Variants in SYN2 observed in about 807,000 individuals in gnomAD.
The protein encoded by SYN2 is synapsin-2.
Under a neutral mutation model 50.9 loss-of-function variants are expected in SYN2, and 19 were observed. The ratio of observed to expected loss-of-function variants is 0.37; its 90% CI spans 0.26 to 0.55. The LOEUF (loss-of-function observed/expected upper bound fraction) is 0.55. Ranked by LOEUF, SYN2 falls within the 20% of genes least tolerant of loss-of-function variation. SYN2 has a pLI of 0.81. For missense variants in SYN2, 587 were observed against 576.4 expected, an observed-to-expected ratio of 1.02 and a Z score of -0.19; for synonymous variants, 255 against 224.9, an observed-to-expected ratio of 1.13 and a Z score of -1.20.
chr3:12,165,539 G>A (rs1049843957), intron 7 of SYN2: 5 of 152,178 alleles, frequency 3.3e-5, no homozygotes, highest in African/African-American at 9.7e-5. Flanking sequence ...AGGAAACATC[G>A]TGGGAAGAAA....
intron 1 of SYN2, among the ~76,000 whole-genome samples, chr3:12,100,247 T>C (rs1696043108): frequency 6.6e-6 from 1 of 152,146 alleles, no homozygotes; most frequent in African/African-American, 2.4e-5. Context: ...CAAAGCTTGA[T>C]AATAAAGTGA....
chr3:12,053,171 C>T (rs976873955), intron 1 of SYN2, among the ~76,000 whole-genome samples: 1 of 152,036 alleles, frequency 6.6e-6, no homozygotes, highest in South Asian at 2.1e-4. Context: ...GCCTGTAATC[C>T]CAGCACTTTG....
intron 1 of SYN2, 28 bp downstream of exon 1, chr3:12,004,956 G>T: frequency 6.2e-6 from 3 of 485,324 alleles, no homozygotes. Flanking sequence ...CCGCCCTCGG[G>T]GGTCGGGGTC....
chr3:12,183,944 TGA>T (rs1698284177), intron 11 of SYN2: 1 of 992,480 alleles, frequency 1.0e-6, no homozygotes, highest in South Asian at 4.6e-5. Context: ...TCTTTCTGCA[TGA>T]CTATTGTAAC....
chr3:12,020,921 A>G (rs1280720825), intron 1 of SYN2, among the ~76,000 whole-genome samples: 1 of 152,236 alleles, frequency 6.6e-6, no homozygotes, highest in Non-Finnish European at 1.5e-5. Flanking sequence ...GATGTTTTAA[A>G]TAGAAAACAT....
At chr3:12,043,729 A>G (rs1326891953) in intron 1 of SYN2, among the ~76,000 whole-genome samples, 3 of 152,216 alleles carry the variant, frequency 2.0e-5, no homozygotes, top group African/African-American at 7.2e-5. Flanking sequence ...GGATTAGTCA[A>G]AGGAGGGCCA....
chr3:12,057,282 A>ACTGTCTGT (rs1553611277), intron 1 of SYN2, among the ~76,000 whole-genome samples: 2 of 48,114 alleles, frequency 4.2e-5, no homozygotes, highest in East Asian at 1.1e-3. Flanking sequence ...ACAAGGCAAG[A>ACTGTCTGT]CTGTCTGTGT....
intron 1 of SYN2, among the ~76,000 whole-genome samples, chr3:12,026,347 C>T (rs1694256524): frequency 6.6e-6 from 1 of 151,914 alleles, no homozygotes; most frequent in East Asian, 1.9e-4. Context: ...GCCCTATCAA[C>T]TTCGTGAAAG....
At chr3:12,039,260 G>A (rs767972515) in intron 1 of SYN2, among the ~76,000 whole-genome samples, 5 of 152,160 alleles carry the variant, frequency 3.3e-5, no homozygotes, top group South Asian at 2.1e-4. Flanking sequence ...TCACTTAGTC[G>A]TGTTATATAA....
At chr3:12,140,597 T>C (rs1401162302) in intron 1 of SYN2, 54 bp from the exon 2 acceptor site, 7 of 722,480 alleles carry the variant, frequency 9.7e-6, no homozygotes, top group African/African-American at 8.7e-5. Flanking sequence ...AGTAAATGTC[T>C]GACTTTAAAT....
chr3:12,025,817 C>G (rs1174458493), intron 1 of SYN2, among the ~76,000 whole-genome samples: 5 of 152,182 alleles, frequency 3.3e-5, no homozygotes, highest in Non-Finnish European at 5.9e-5. Context: ...CACTGAATCT[C>G]TTAGCAGCCA....
intron 1 of SYN2, among the ~76,000 whole-genome samples, chr3:12,129,874 G>A (rs1011785138): frequency 6.6e-6 from 1 of 152,144 alleles, no homozygotes; most frequent in Admixed American, 6.6e-5. Flanking sequence ...GCCTTTGGGA[G>A]GTGATTAGGT....
intron 1 of SYN2, among the ~76,000 whole-genome samples, chr3:12,132,756 A>T (rs981231231): frequency 2.0e-5 from 3 of 152,232 alleles, no homozygotes; most frequent in Non-Finnish European, 4.4e-5. Context: ...GGGCATGAGT[A>T]GCCCTTTATG....
intron 1 of SYN2, among the ~76,000 whole-genome samples, chr3:12,111,871 T>C (rs1436829653): frequency 6.6e-6 from 1 of 152,162 alleles, no homozygotes; most frequent in Admixed American, 6.5e-5. Context: ...GATGTATTAT[T>C]TTGGGATGCC....
chr3:12,105,758 G>A lies in SYN2; in HGVS notation c.378-34893G>A, dbSNP rs566283328. On this transcript the variant is annotated intron_variant, in intron 1 of 12. Coordinates refer to ENST00000621198, the MANE Select transcript of SYN2 (RefSeq NM_133625.6). ...TCCCTCTCAATTCACGGCAAGGTCT[G>A]CAGGAGAACACATAGACTCTGTTGT... 2.4e-4 allele frequency among the ~76,000 whole-genome samples: 36 copies of A among 152,134 alleles called. No individual in the cohort carries two copies. The South Asian group carries it at 7.1e-3, about 30-fold the overall frequency.
At chr3:12,169,705 G>A (rs1697893536) in intron 9 of SYN2, 52 bp from the exon 10 acceptor site, 2 of 1,600,664 alleles carry the variant, frequency 1.2e-6, no homozygotes, top group African/African-American at 1.3e-5. Context: ...ATTGTACCAG[G>A]CCATTTATGT....
At chr3:12,150,612 A>G (rs1057428686) in intron 4 of SYN2, among the ~76,000 whole-genome samples, 2 of 152,172 alleles carry the variant, frequency 1.3e-5, no homozygotes, top group African/African-American at 4.8e-5. Flanking sequence ...TATGTAGGCA[A>G]AGGGTCCAGT....
intron 5 of SYN2, 62 bp downstream of exon 5, chr3:12,151,388 G>T: frequency 1.5e-6 from 2 of 1,323,016 alleles, no homozygotes; most frequent in Non-Finnish European, 2.2e-6. Context: ...TAGCCACCTG[G>T]TTATTGTGGG....
chr3:12,033,923 A>G (rs1240130962), intron 1 of SYN2, among the ~76,000 whole-genome samples: 1 of 152,302 alleles, frequency 6.6e-6, no homozygotes, highest in East Asian at 1.9e-4. Flanking sequence ...TTGTCTATTT[A>G]CTTATCAGTT....
Sources: allele counts gnomAD v4.1 joint callset (sites outside exome capture counted in the v4.1 genomes callset), GRCh38; gene constraint gnomAD v4.1.1; transcripts MANE v1.5; gene names NCBI Gene and HGNC (gene_info 2026-07-23, HGNC 2026-07-21).